Variants in TBC1D19 observed in about 807,000 individuals in gnomAD.
TBC1D19 encodes the protein TBC1 domain family member 19.
TBC1D19 carries 60 observed loss-of-function variants against 89.0 expected under a neutral mutation model. The observed-to-expected ratio is 0.67, with a 90% CI of 0.55 to 0.84. The LOEUF is 0.84. Ranked by LOEUF, TBC1D19 falls within the 40% of genes least tolerant of loss-of-function variation. TBC1D19 has a pLI of 0.00. For missense variants in TBC1D19, 500 were observed against 610.8 expected, an observed-to-expected ratio of 0.82 and a Z score of 1.91; for synonymous variants, 189 against 199.7, an observed-to-expected ratio of 0.95 and a Z score of 0.45.
At chr4:26,694,038 C>A (rs769535880) in intron 13 of TBC1D19, among the ~76,000 whole-genome samples, 3 of 152,048 alleles carry the variant, frequency 2.0e-5, no homozygotes, top group Non-Finnish European at 4.4e-5. Context: ...TGGGGCTCGT[C>A]GAACAGTGGA....
intron 12 of TBC1D19, among the ~76,000 whole-genome samples, chr4:26,687,215 C>G (rs1200551220): frequency 6.6e-6 from 1 of 151,984 alleles, no homozygotes; most frequent in African/African-American, 2.4e-5. Flanking sequence ...AGTAAAAGGG[C>G]TTTTGGTGAA....
chr4:26,726,523 G>A (rs995887348), intron 15 of TBC1D19, among the ~76,000 whole-genome samples: 2 of 152,098 alleles, frequency 1.3e-5, no homozygotes, highest in Non-Finnish European at 2.9e-5. Flanking sequence ...CCTATGTTTT[G>A]TGAAATTTTA....
chr4:26,638,795 C>G lies in TBC1D19; in HGVS notation c.394C>G (p.Leu132Val). The G allele has an allele frequency of 6.2e-7, 1 of 1,611,140 alleles. No homozygotes were observed. Among genetic ancestry groups the G allele is most frequent in the East Asian group, 2.2e-5 (1 of 44,690 alleles). The change falls in exon 6 of 21, where the codon CTT (leucine) becomes GTT (valine). Residue 132 changes from leucine to valine, a missense_variant. Physicochemically the swap from Leu to Val is conservative, Grantham distance 32. Coordinates refer to ENST00000264866, the MANE Select transcript of TBC1D19 (RefSeq NM_018317.4). ...RKRPVGEQKE[L>V]LNKWNEMGTD... ...GAGGCCAGTTGGAGAACAGAAAGAA[C>G]TTCTTAATAAATGGAATGAAATGGG... is the stretch of plus-strand genomic sequence containing the variant.
the TBC1D19 span, among the ~76,000 whole-genome samples, chr4:26,779,157 G>A: frequency 2.0e-5 from 3 of 152,106 alleles, no homozygotes; most frequent in Non-Finnish European, 2.9e-5. Context: ...ACAAGTTCTC[G>A]AATGGTAGTT....
At chr4:26,745,101 A>G (rs1718576958) in intron 18 of TBC1D19, among the ~76,000 whole-genome samples, 5 of 152,084 alleles carry the variant, frequency 3.3e-5, no homozygotes, top group Admixed American at 3.3e-4. Context: ...ATTCCTAGTA[A>G]TAAATCTACT....
At chr4:26,577,288 TGTGTGTGTGTGTGC>T (rs1560390819) in intron 1 of TBC1D19, among the ~76,000 whole-genome samples, 1 of 151,596 alleles carries the variant, frequency 6.6e-6, no homozygotes, top group Non-Finnish European at 1.5e-5. Flanking sequence ...CTCTCGTGTG[TGTGTGTGTGTGTGC>T]GTGTGTGTGT....
chr4:26,767,095 A>G, the TBC1D19 span, among the ~76,000 whole-genome samples: 4 of 152,076 alleles, frequency 2.6e-5, no homozygotes, highest in Non-Finnish European at 5.9e-5. Flanking sequence ...GCTTGAGCCC[A>G]GGAGTTCAAG....
chr4:26,675,112 T>C (rs1458214291), intron 11 of TBC1D19, among the ~76,000 whole-genome samples: 1 of 152,070 alleles, frequency 6.6e-6, no homozygotes, highest in African/African-American at 2.4e-5. Flanking sequence ...TGAGTATATA[T>C]TGGGCCTTTT....
chr4:26,626,888 T>A (rs1742447867), intron 4 of TBC1D19, among the ~76,000 whole-genome samples: 1 of 149,822 alleles, frequency 6.7e-6, no homozygotes, highest in African/African-American at 2.4e-5. Flanking sequence ...TTTTTATTTT[T>A]TTATTTTATT....
At chr4:26,707,859 G>C (rs189922230) in intron 13 of TBC1D19, among the ~76,000 whole-genome samples, 39 of 151,988 alleles carry the variant, frequency 2.6e-4, no homozygotes, top group African/African-American at 8.9e-4. Flanking sequence ...CCTTTCACTT[G>C]ATGATATCAG....
At chr4:26,768,642 A>G in the TBC1D19 span, among the ~76,000 whole-genome samples, 1 of 152,160 alleles carries the variant, frequency 6.6e-6, no homozygotes, top group African/African-American at 2.4e-5. Flanking sequence ...GGAAGATATT[A>G]AAAAGCTTCT....
the TBC1D19 span, among the ~76,000 whole-genome samples, chr4:26,852,874 C>T: frequency 4.0e-3 from 615 of 152,336 alleles, 7 homozygotes; most frequent in African/African-American, 0.014. Context: ...CTGCTTCGGC[C>T]TCCCAAAGTG....
the TBC1D19 span, among the ~76,000 whole-genome samples, chr4:26,821,833 G>A: frequency 6.6e-6 from 1 of 152,192 alleles, no homozygotes; most frequent in Non-Finnish European, 1.5e-5. Context: ...GCAGACCTCT[G>A]GTGGCCAGGC....
intron 4 of TBC1D19, among the ~76,000 whole-genome samples, chr4:26,629,988 G>T (rs1042540424): frequency 2.6e-5 from 4 of 151,270 alleles, no homozygotes; most frequent in Admixed American, 2.0e-4. Context: ...TAGATAGCTG[G>T]GTTATAATTA....
chr4:26,645,996 G>A (rs1248692390), intron 7 of TBC1D19, among the ~76,000 whole-genome samples: 30 of 150,516 alleles, frequency 2.0e-4, no homozygotes, highest in South Asian at 1.3e-3. Context: ...AGTGGCGGGC[G>A]CCTGTAGTCC....
chr4:26,703,308 C>T (rs188406910), intron 13 of TBC1D19, among the ~76,000 whole-genome samples: 245 of 152,146 alleles, frequency 1.6e-3, no homozygotes, highest in Non-Finnish European at 2.1e-3. Context: ...CTAATAAAAA[C>T]GTATGTAATT....
At chr4:26,783,958 T>G in the TBC1D19 span, among the ~76,000 whole-genome samples, 1 of 152,082 alleles carries the variant, frequency 6.6e-6, no homozygotes, top group Non-Finnish European at 1.5e-5. Context: ...GTGCCTCTGG[T>G]GGTTGCCATC....
chr4:26,767,119 A>G, the TBC1D19 span, among the ~76,000 whole-genome samples: 1 of 152,136 alleles, frequency 6.6e-6, no homozygotes, highest in Non-Finnish European at 1.5e-5. Context: ...GTAATGAGTC[A>G]TGATCATGCC....
chr4:26,708,658 A>G lies in TBC1D19; in HGVS notation c.955-9275A>G, dbSNP rs142772904. ...AGTTCCTATGGCTCTGTTAACTTCA[A>G]TTTTTTTTCCTTTCTGTTTCACAGC... On this transcript the variant is annotated intron_variant, in intron 13 of 20. Coordinates refer to ENST00000264866, the MANE Select transcript of TBC1D19 (RefSeq NM_018317.4). 3.1e-3 allele frequency among the ~76,000 whole-genome samples: 469 copies of G among 151,574 alleles called. 15 individuals carry two copies. In the East Asian group the frequency reaches 0.079, roughly 26 times the overall value.
Sources: gnomAD v4.1 joint callset for allele counts (sites outside exome capture counted in the v4.1 genomes callset) on GRCh38, gnomAD v4.1.1 for gene constraint, MANE v1.5 for transcripts, NCBI Gene and HGNC (gene_info 2026-07-23, HGNC 2026-07-21) for gene names.